TAF5: variants seen among roughly 807,000 people sequenced by gnomAD.
TAF5 encodes the protein TATA-box binding protein associated factor 5.
TAF5 carries 20 observed loss-of-function variants against 80.9 expected under a neutral mutation model. That is an observed-to-expected ratio of 0.25 (90% CI 0.17 to 0.36). The LOEUF (loss-of-function observed/expected upper bound fraction) is 0.36, where lower values mean the gene tolerates loss of function less well. Ranked by LOEUF, TAF5 falls within the 10% of genes least tolerant of loss-of-function variation. The pLI is 1.00. For synonymous variants in TAF5, 388 were observed against 406.4 expected (o/e 0.95, Z 0.55); for missense variants, 863 against 1,029.4 (o/e 0.84, Z 2.21).
chr10:103,382,089 T>G (rs2133633831), intron 6 of TAF5, among the ~76,000 whole-genome samples: 1 of 152,322 alleles, frequency 6.6e-6, no homozygotes, highest in Admixed American at 6.5e-5. Flanking sequence ...AAACTTAAAG[T>G]TAAAAATCTA....
Position 103,368,364 on chromosome 10 carries a change from G to A in TAF5, c.375G>A (p.Glu125=), listed in dbSNP as rs968062465. Residue 125 remains glutamate (E), a synonymous_variant, in exon 1 of 11, where the codon GAG becomes GAA. Transcript: ENST00000369839. ...GCCGTGAGGCCGGGCTGCTGGAGGA[G>A]GCAGTGGCGGGCTCCGGAGCCCCGG... is the stretch of plus-strand genomic sequence containing the variant. ...ALRREAGLLE[E]AVAGSGAPGE... is the part of the protein sequence containing the mutation. The A allele has an allele frequency of 7.0e-6, 11 of 1,563,880 alleles. No homozygotes were observed. Among genetic ancestry groups the A allele is most frequent in the Non-Finnish European group, 8.6e-6 (10 of 1,163,548 alleles).
chr10:103,368,628 C>A lies in TAF5; in HGVS notation c.559+80C>A. ...AAGGCAGGGGCTGGCAGGCCTGCAC[C>A]TCTGCGGGCTTGTTTTGAATTTCCT... On this transcript the variant is annotated intron_variant, in intron 1 of 10. Coordinates refer to ENST00000369839, the MANE Select transcript of TAF5 (RefSeq NM_006951.5). 3 of 1,390,916 alleles carry A rather than the reference C, an allele frequency of 2.2e-6. No homozygotes were observed. The Middle Eastern group carries it at 8.0e-4, about 369-fold the overall frequency. 86.2% of individuals were successfully genotyped at this position (1,390,916 alleles called of 1,614,324 possible). A position where few individuals can be genotyped will look rare whatever the true frequency, so the allele number is the denominator to read the frequency against.
Position 103,381,721 on chromosome 10 carries a change from G to A in TAF5, c.1414G>A (p.Gly472Ser). The change falls in exon 6 of 11, where the codon GGT becomes AGT. Residue 472 changes from glycine (G) to serine (S), a missense_variant and splice_region_variant. Gly to Ser is a moderately conservative substitution (Grantham distance 56). This residue lies in a region of TAF5 where 368 missense variants were observed against 461.7 expected (regional missense o/e 0.80). Coordinates refer to ENST00000369839, the MANE Select transcript of TAF5 (RefSeq NM_006951.5). ...CFYTFLNAYQ[G>S]LTAVDVTDDS... Reference sequence around the variant, plus strand: ...TTTAGTCTAACCCTTTTATTGGCAGGGTCTCACTGCAGTGGATGTCACTGA... The same window carrying A: ...TTTAGTCTAACCCTTTTATTGGCAGAGTCTCACTGCAGTGGATGTCACTGA... 6.2e-7 allele frequency: 1 copy of A among 1,614,038 alleles called. No homozygotes were observed. The highest frequency in any genetic ancestry group is 1.1e-5 in the South Asian group (1 of 91,066).
Position 103,383,355 on chromosome 10 carries a change from T to C in TAF5, c.1652T>C (p.Phe551Ser), listed in dbSNP as rs1286840093. ...AGTGGGCCTGTCTACGGAGCCAGCT[T>C]CAGTCCGGATAGGTAAAATACAAAC... ...GHSGPVYGAS[F>S]SPDRNYLLSS... is the part of the protein sequence containing the mutation. Residue 551 changes from phenylalanine to serine, a missense_variant, in exon 7 of 11, where the codon TTC becomes TCC. Around this residue, in one of 3 missense-constraint regions of TAF5, gnomAD observed 368 missense variants for 461.7 expected, o/e 0.80. Coordinates refer to ENST00000369839, the MANE Select transcript of TAF5 (RefSeq NM_006951.5). 6.3e-7 allele frequency: 1 copy of C among 1,594,284 alleles called. No homozygotes were observed. The highest frequency in any genetic ancestry group is 8.5e-7 in the Non-Finnish European group (1 of 1,174,844).
Position 103,385,386 on chromosome 10 carries a change from T to C in TAF5, c.1725T>C (p.Phe575=). The C allele has an allele frequency of 6.2e-7, 1 of 1,614,024 alleles. No homozygotes were observed. Among genetic ancestry groups the C allele is most frequent in the Non-Finnish European group, 8.5e-7 (1 of 1,179,898 alleles). Reference sequence around the variant, plus strand: ...TTAGATTGTGGAGCCTTCAAACATTTACTTGTTTGGTGGGATATAAAGGAC... The same window carrying C: ...TTAGATTGTGGAGCCTTCAAACATTCACTTGTTTGGTGGGATATAAAGGAC... ...GTVRLWSLQT[F]TCLVGYKGHN... Residue 575 remains phenylalanine (F), a synonymous_variant, in exon 8 of 11, where the codon TTT becomes TTC. Transcript: ENST00000369839.
intron 7 of TAF5, among the ~76,000 whole-genome samples, chr10:103,384,414 T>G (rs2093390840): frequency 6.6e-6 from 1 of 152,188 alleles, no homozygotes; most frequent in African/African-American, 2.4e-5. Context: ...GCGCATCACC[T>G]GAGATCAGGA....
chr10:103,371,256 AAAAAG>A (rs2093359000), intron 1 of TAF5, among the ~76,000 whole-genome samples: 1 of 152,138 alleles, frequency 6.6e-6, no homozygotes, highest in Non-Finnish European at 1.5e-5. Flanking sequence ...AAAAAAAAAA[AAAAAG>A]AGAGAGGAAT....
At chr10:103,373,977 C>T (rs1340822276) in intron 2 of TAF5, among the ~76,000 whole-genome samples, 4 of 151,748 alleles carry the variant, frequency 2.6e-5, no homozygotes, top group African/African-American at 4.8e-5. Context: ...TACTATGAAG[C>T]TGGGAATTGG....
At chr10:103,385,055 T>A (rs1215431156) in intron 7 of TAF5, among the ~76,000 whole-genome samples, 2 of 152,312 alleles carry the variant, frequency 1.3e-5, no homozygotes, top group Middle Eastern at 6.8e-3. Context: ...TAAAGAACTC[T>A]GATTTTCCCT....
Position 103,387,362 on chromosome 10 carries a change from ACT to A in TAF5, c.2007+13_2007+14del, listed in dbSNP as rs768433346. ...CTTCACTGGACACAAGGTATTTTAC[ACT>A]CTTACTATTCCAGCATCCAAGGTTG... On this transcript the variant is annotated intron_variant, in intron 9 of 10. Transcript: ENST00000369839. The A allele has an allele frequency of 6.9e-4, 1,106 of 1,596,508 alleles. 11 individuals are homozygous for A. The highest frequency in any genetic ancestry group is 2.7e-4 in the Non-Finnish European group (312 of 1,172,346).
intron 2 of TAF5, 51 bp downstream of exon 2, chr10:103,373,646 TGTGC>T (rs781738383): frequency 7.4e-7 from 1 of 1,355,956 alleles, no homozygotes; most frequent in Admixed American, 2.1e-5. Flanking sequence ...AGTGTGTGTG[TGTGC>T]GTGCATATGT....
rs201820525 is a variant in TAF5, at chr10:103,383,193, T to C, written c.1535-45T>C. 40 of 1,495,444 alleles carry C rather than the reference T, an allele frequency of 2.7e-5. 1 individual carries two copies. The East Asian group carries it at 8.7e-4, about 33-fold the overall frequency. The allele number at this position is 1,495,444 out of a possible 1,614,324, so 92.6% of individuals were successfully genotyped here. A position where few individuals can be genotyped will look rare whatever the true frequency, so the allele number is the denominator to read the frequency against. On this transcript the variant is annotated intron_variant, in intron 6 of 10. Coordinates refer to ENST00000369839, the MANE Select transcript of TAF5 (RefSeq NM_006951.5). ...TGTGATATGATTACTTTAAAAGTTTTGATGAATGTACTTATAAAATATCAA... is the reference window on the plus strand; with the variant it reads ...TGTGATATGATTACTTTAAAAGTTTCGATGAATGTACTTATAAAATATCAA...
chr10:103,375,406 C>G (rs1393992299), intron 2 of TAF5, among the ~76,000 whole-genome samples: 1 of 152,080 alleles, frequency 6.6e-6, no homozygotes, highest in Non-Finnish European at 1.5e-5. Context: ...TCTGGCCGTT[C>G]TAGCTGGATA....
chr10:103,388,074 T>C lies in TAF5; in HGVS notation c.2254T>C (p.Phe752Leu), dbSNP rs994507368. ...CTTTGAAGATTTAGAGACCGATGAC[T>C]TTACTACAGCCACTGGGCATATAAA... is the stretch of plus-strand genomic sequence containing the variant. ...KAFEDLETDD[F>L]TTATGHINLP... Residue 752 changes from phenylalanine (F) to leucine (L), a missense_variant, in exon 11 of 11, where the codon TTT becomes CTT. By Grantham distance (22) the Phe-to-Leu change is conservative. Coordinates refer to ENST00000369839, the MANE Select transcript of TAF5 (RefSeq NM_006951.5). 7 of 1,614,000 alleles carry C rather than the reference T, an allele frequency of 4.3e-6. No individual in the cohort carries two copies. The highest frequency in any genetic ancestry group is 5.9e-6 in the Non-Finnish European group (7 of 1,179,988).
Position 103,388,574 on chromosome 10 carries a change from A to C in TAF5, c.*351A>C, listed in dbSNP as rs998350222. On this transcript the variant is annotated 3_prime_UTR_variant, in exon 11 of 11. Transcript: ENST00000369839. ...TCCTGCTTCAAGATTCAAATTCAGA[A>C]ATATACTATCATCTTGAATTTTAGC... is the stretch of plus-strand genomic sequence containing the variant. 4.0e-5 allele frequency: 7 copies of C among 176,970 alleles called. No homozygotes were observed. The highest frequency in any genetic ancestry group is 1.7e-4 in the African/African-American group (7 of 41,950). 11.0% of individuals were successfully genotyped at this position (176,970 alleles called of 1,614,324 possible).
chr10:103,368,653 T>A (rs918220519), intron 1 of TAF5, 105 bp downstream of exon 1: 21 of 1,356,016 alleles, frequency 1.5e-5, no homozygotes, highest in Non-Finnish European at 2.0e-5. Context: ...TTGAATTTCC[T>A]GGGCCCGCCT....
chr10:103,373,239 C>G (rs2093363615), intron 1 of TAF5, 119 bp from the exon 2 acceptor site: 3 of 750,904 alleles, frequency 4.0e-6, no homozygotes, highest in Non-Finnish European at 4.4e-6. Context: ...GAGGAAGAGA[C>G]AGTGGGAAGA....
chr10:103,375,877 A>G (rs192050772), intron 2 of TAF5, among the ~76,000 whole-genome samples: 1 of 151,928 alleles, frequency 6.6e-6, no homozygotes, highest in Non-Finnish European at 1.5e-5. Flanking sequence ...GGCCAACATA[A>G]CAAAACCCTG....
At chr10:103,386,516 AAT>A (rs1370790355) in intron 8 of TAF5, among the ~76,000 whole-genome samples, 1 of 152,124 alleles carries the variant, frequency 6.6e-6, no homozygotes, top group East Asian at 1.9e-4. Flanking sequence ...GAGGAGGAAG[AAT>A]ATACAGAGAA....
Sources: gnomAD v4.1 joint callset for allele counts (sites outside exome capture counted in the v4.1 genomes callset) on GRCh38, gnomAD v4.1.1 for gene constraint, gnomAD v4.1.1 regional missense constraint, MANE v1.5 for transcripts, NCBI Gene and HGNC (gene_info 2026-07-23, HGNC 2026-07-21) for gene names.